Variants in SLC35A5 observed in about 807,000 individuals in gnomAD.
SLC35A5 encodes the protein solute carrier family 35 member A5.
A neutral mutation model predicts 36.3 loss-of-function variants in SLC35A5; 28 were observed. The ratio of observed to expected loss-of-function variants is 0.77; its 90% CI spans 0.57 to 1.06. The LOEUF (loss-of-function observed/expected upper bound fraction) is 1.06, where lower values mean the gene tolerates loss of function less well. SLC35A5 is among the 50% of genes least tolerant of loss of function. The probability of loss-of-function intolerance (pLI) is 0.00; values close to 1 mark genes in which losing one functional copy is unlikely to be tolerated. For synonymous variants in SLC35A5, 180 were observed against 173.7 expected (o/e 1.04, Z -0.29); for missense variants, 521 against 499.3 (o/e 1.04, Z -0.41).
At chr3:112,569,921 C>A (rs1240137330) in intron 3 of SLC35A5, among the ~76,000 whole-genome samples, 1 of 152,230 alleles carries the variant, frequency 6.6e-6, no homozygotes, top group Non-Finnish European at 1.5e-5. Context: ...AGCAAGATGT[C>A]TTTTCATATT....
At chr3:112,578,603 A>G (rs1051675012) in intron 5 of SLC35A5, among the ~76,000 whole-genome samples, 1 of 152,188 alleles carries the variant, frequency 6.6e-6, no homozygotes, top group Non-Finnish European at 1.5e-5. Context: ...AGGGTAATTT[A>G]TTAAGCTTTA....
In SLC35A5 at chr3:112,563,565, C is replaced by T. The variant is rs1247365868; in HGVS notation, c.130+32C>T. 7 of 1,534,744 alleles carry T rather than the reference C, an allele frequency of 4.6e-6. No homozygotes were observed. The African/African-American group carries it at 5.4e-5, about 12-fold the overall frequency. ...TAAGACTTGGTATATGCATGGAGCA[C>T]TTCCATCTAATCACACATCTCTCTC... On this transcript the variant is annotated intron_variant, in intron 2 of 6. Transcript: ENST00000492406.
At chr3:112,570,321 T>C (rs1056311070) in intron 3 of SLC35A5, 2 of 361,552 alleles carry the variant, frequency 5.5e-6, no homozygotes, top group Non-Finnish European at 9.8e-6. Flanking sequence ...GTAATACTTC[T>C]GTTATCTCAA....
chr3:112,581,041 C>T lies in SLC35A5; in HGVS notation c.924C>T (p.Ala308=), dbSNP rs373262408. The change falls in exon 6 of 7, where the codon GCC becomes GCT. Residue 308 remains alanine (A), a synonymous_variant. Transcript: ENST00000492406. ...FFYGHSAFSV[A]LIFVTAFQGL... ...ATGGCCACAGTGCATTTTCAGTAGC[C>T]CTTATTTTTGTAACTGCATTCCAGG... is the stretch of plus-strand genomic sequence containing the variant. 8 of 1,613,798 alleles carry T rather than the reference C, an allele frequency of 5.0e-6. No individual in the cohort carries two copies. The highest frequency in any genetic ancestry group is 6.8e-6 in the Non-Finnish European group (8 of 1,179,960).
chr3:112,582,728 A>G lies in SLC35A5; in HGVS notation c.1267A>G (p.Thr423Ala), dbSNP rs775334983. Reference sequence around the variant, plus strand: ...CAAGAGTGATGAGTCAGATGAAGATACTTTCTAACTGGTACCCACATAGTT... The same window carrying G: ...CAAGAGTGATGAGTCAGATGAAGATGCTTTCTAACTGGTACCCACATAGTT... ...KPKSDESDED[T>A]F The change falls in exon 7 of 7, where the codon ACT becomes GCT. Residue 423 changes from threonine to alanine, a missense_variant. By Grantham distance (58) the Thr-to-Ala change is moderately conservative (BLOSUM62 0). Coordinates refer to ENST00000492406, the MANE Select transcript of SLC35A5 (RefSeq NM_017945.5). 3.0e-5 allele frequency: 49 copies of G among 1,611,524 alleles called. No individual in the cohort carries two copies. The South Asian group carries it at 5.3e-4, about 17-fold the overall frequency.
chr3:112,565,120 T>C (rs564109760), intron 2 of SLC35A5, among the ~76,000 whole-genome samples: 2 of 152,282 alleles, frequency 1.3e-5, no homozygotes, highest in African/African-American at 4.8e-5. Context: ...GGCACTAGGC[T>C]AAGTATTAGC....
chr3:112,561,680 G>T (rs904932443), upstream of SLC35A5: 3 of 758,788 alleles, frequency 4.0e-6, no homozygotes, highest in Non-Finnish European at 6.2e-6. Context: ...GCGACGGGAC[G>T]GGCGGGACGA....
chr3:112,567,241 AAAACAGAC>A (rs937856818), intron 2 of SLC35A5, among the ~76,000 whole-genome samples: 1 of 150,232 alleles, frequency 6.7e-6, no homozygotes, highest in Non-Finnish European at 1.5e-5. Flanking sequence ...ACAAAAAACA[AAAACAGAC>A]AAACAAACAA....
intron 5 of SLC35A5, among the ~76,000 whole-genome samples, chr3:112,579,203 C>G (rs1934790756): frequency 6.6e-6 from 1 of 152,132 alleles, no homozygotes; most frequent in Non-Finnish European, 1.5e-5. Flanking sequence ...AGAAGGAAGA[C>G]ATACAAAACC....
intron 5 of SLC35A5, 23 bp downstream of exon 5, chr3:112,573,979 A>T: frequency 6.3e-7 from 1 of 1,584,090 alleles, no homozygotes; most frequent in Non-Finnish European, 8.7e-7. Context: ...CTGTGAAAAC[A>T]TATATCATAC....
In SLC35A5 at chr3:112,563,818, A is replaced by G. The variant is rs114685196; in HGVS notation, c.130+285A>G. Among the ~76,000 whole-genome samples the G allele has an allele frequency of 7.1e-3, 1,086 of 152,334 alleles. 5 individuals carry two copies. Among genetic ancestry groups the G allele is most frequent in the Middle Eastern group, 0.02 (6 of 294 alleles). ...TCAATCAACAGGTGTTTCTGGACCT[A>G]TAGCAAAATGTGTAATTGCGCCTTA... On this transcript the variant is annotated intron_variant, in intron 2 of 6. Coordinates refer to ENST00000492406, the MANE Select transcript of SLC35A5 (RefSeq NM_017945.5).
chr3:112,564,547 G>A (rs184143997), intron 2 of SLC35A5, among the ~76,000 whole-genome samples: 1 of 152,238 alleles, frequency 6.6e-6, no homozygotes, highest in East Asian at 1.9e-4. Context: ...GGACGAGCAG[G>A]AGACAGATGC....
chr3:112,575,116 T>C (rs1308468548), intron 5 of SLC35A5, among the ~76,000 whole-genome samples: 1 of 152,182 alleles, frequency 6.6e-6, no homozygotes, highest in African/African-American at 2.4e-5. Context: ...ATTTGTATAT[T>C]GATTCCTGTG....
chr3:112,569,153 A>G lies in SLC35A5; in HGVS notation c.131-18A>G, dbSNP rs1934322630. ...GGAATAAAATATATAGTTAAAAAAC[A>G]TTTCTGTTACATTTCAGAAAACAAG... On this transcript the variant is annotated intron_variant, in intron 2 of 6. Coordinates refer to ENST00000492406, the MANE Select transcript of SLC35A5 (RefSeq NM_017945.5). The G allele has an allele frequency of 1.3e-6, 2 of 1,583,466 alleles. No homozygotes were observed. The highest frequency in any genetic ancestry group is 1.7e-5 in the Admixed American group (1 of 59,596).
rs370026200 is a variant in SLC35A5, at chr3:112,569,834, G to A, written c.229+565G>A. On this transcript the variant is annotated intron_variant, in intron 3 of 6. Coordinates refer to ENST00000492406, the MANE Select transcript of SLC35A5 (RefSeq NM_017945.5). ...TTAGTTCCCCAATTATTGCGCCTCC[G>A]CTCCCTCCCTCTGCCTCTTTCATAT... Among the ~76,000 whole-genome samples the A allele has an allele frequency of 1.8e-4, 27 of 152,168 alleles. No individual in the cohort carries two copies. In the East Asian group the frequency reaches 4.0e-3, roughly 23 times the overall value.
chr3:112,581,462 A>G (rs1934923548), intron 6 of SLC35A5, 136 bp downstream of exon 6: 4 of 913,636 alleles, frequency 4.4e-6, no homozygotes, highest in Non-Finnish European at 4.8e-6. Flanking sequence ...CGAATCAACA[A>G]ACATTCCTTT....
rs767463689 is a variant in SLC35A5, at chr3:112,584,222, G to T, written c.*1486G>T. The T allele has an allele frequency of 6.6e-6, 1 of 152,118 alleles. No homozygotes were observed. Among genetic ancestry groups the T allele is most frequent in the Non-Finnish European group, 1.5e-5 (1 of 68,018 alleles). The allele number at this position is 152,118 out of a possible 1,614,324, so 9.4% of individuals were successfully genotyped here. A position where few individuals can be genotyped will look rare whatever the true frequency, so the allele number is the denominator to read the frequency against. On this transcript the variant is annotated 3_prime_UTR_variant, in exon 7 of 7. Coordinates refer to ENST00000492406, the MANE Select transcript of SLC35A5 (RefSeq NM_017945.5). ...AGTACTTTTAATCTTAAAAAATAGA[G>T]TGAGACAAAAACCTACACAACTTTT...
intron 1 of SLC35A5, 52 bp from the exon 2 acceptor site, chr3:112,563,333 G>T: frequency 7.3e-7 from 1 of 1,378,054 alleles, no homozygotes. Flanking sequence ...AATGGTATTT[G>T]CGTTTAGGGT....
chr3:112,569,081 C>G, intron 2 of SLC35A5, 90 bp from the exon 3 acceptor site: 1 of 1,060,310 alleles, frequency 9.4e-7, no homozygotes, highest in Non-Finnish European at 1.3e-6. Context: ...GTAAATCCAG[C>G]TTTTAAATTT....
Sources: allele counts gnomAD v4.1 joint callset (sites outside exome capture counted in the v4.1 genomes callset), GRCh38; gene constraint gnomAD v4.1.1; transcripts MANE v1.5; gene names NCBI Gene and HGNC (gene_info 2026-07-23, HGNC 2026-07-21).